The following RSPO2 variants were observed in gnomAD, a reference collection of about 807,000 sequenced individuals.
The protein encoded by RSPO2 is R-spondin 2, also known as R-spondin-2.
RSPO2 carries 14 observed loss-of-function variants against 30.9 expected under a neutral mutation model. The observed-to-expected ratio is 0.45, with a 90% CI of 0.30 to 0.71. The LOEUF (loss-of-function observed/expected upper bound fraction) is 0.71. RSPO2 is among the 30% of genes least tolerant of loss of function. The pLI, the probability that RSPO2 is intolerant of heterozygous loss-of-function variation, is 0.08. For missense variants in RSPO2, 264 were observed against 301.9 expected, an observed-to-expected ratio of 0.87 and a Z score of 0.93; for synonymous variants, 107 against 96.4, an observed-to-expected ratio of 1.11 and a Z score of -0.64.
chr8:107,942,116 A>C (rs533110468), intron 5 of RSPO2, among the ~76,000 whole-genome samples: 2 of 152,286 alleles, frequency 1.3e-5, no homozygotes, highest in Admixed American at 1.3e-4. Context: ...AAGTGTTCAG[A>C]CAACAGCCCT....
At chr8:107,965,699 G>T (rs1020118777) in intron 3 of RSPO2, among the ~76,000 whole-genome samples, 11 of 152,052 alleles carry the variant, frequency 7.2e-5, no homozygotes, top group African/African-American at 1.9e-4. Flanking sequence ...AAACATGGTG[G>T]AGTTTTAATG....
intron 5 of RSPO2, among the ~76,000 whole-genome samples, chr8:107,943,548 G>T (rs148509676): frequency 6.6e-6 from 1 of 152,172 alleles, no homozygotes; most frequent in Non-Finnish European, 1.5e-5. Flanking sequence ...GAAATTTCAC[G>T]TAGCGGTTCT....
intron 2 of RSPO2, among the ~76,000 whole-genome samples, chr8:107,994,182 T>A (rs1429353303): frequency 6.6e-6 from 1 of 152,094 alleles, no homozygotes; most frequent in Non-Finnish European, 1.5e-5. Flanking sequence ...ATGTATACAT[T>A]TGCAAAACCC....
chr8:107,951,043 G>GTTGTTTT (rs1813224649), intron 5 of RSPO2, among the ~76,000 whole-genome samples: 2 of 85,862 alleles, frequency 2.3e-5, no homozygotes, highest in Admixed American at 1.3e-4. Flanking sequence ...GGGAGAATAA[G>GTTGTTTT]TTTTTTTTTG....
intron 3 of RSPO2, among the ~76,000 whole-genome samples, chr8:107,964,594 G>A (rs1813736946): frequency 6.6e-6 from 1 of 152,102 alleles, no homozygotes; most frequent in Non-Finnish European, 1.5e-5. Flanking sequence ...TCTCCTACTT[G>A]ATGTGCTTCA....
At chr8:107,988,477 A>G (rs1281908458) in intron 3 of RSPO2, among the ~76,000 whole-genome samples, 3 of 152,010 alleles carry the variant, frequency 2.0e-5, no homozygotes, top group Non-Finnish European at 4.4e-5. Flanking sequence ...AAAATCTGTC[A>G]AACAAGATTG....
chr8:108,059,017 G>A (rs1293960063), intron 2 of RSPO2, among the ~76,000 whole-genome samples: 1 of 151,768 alleles, frequency 6.6e-6, no homozygotes, highest in Admixed American at 6.6e-5. Flanking sequence ...TTAAACTCAA[G>A]AGCTTCTGCA....
intron 2 of RSPO2, chr8:107,997,228 C>T (rs1387680930): frequency 5.7e-6 from 1 of 176,170 alleles, no homozygotes; most frequent in Non-Finnish European, 1.2e-5. Flanking sequence ...CTACACCAAC[C>T]TCTGTGTCTA....
intron 5 of RSPO2, among the ~76,000 whole-genome samples, chr8:107,915,798 G>GA (rs1330735306): frequency 4.6e-5 from 7 of 152,124 alleles, no homozygotes; most frequent in Non-Finnish European, 8.8e-5. Flanking sequence ...TTGCTAGGAT[G>GA]AAAAATGTTA....
intron 3 of RSPO2, chr8:107,983,097 C>T (rs925264465): frequency 3.7e-5 from 51 of 1,385,582 alleles, no homozygotes; most frequent in Non-Finnish European, 4.6e-5. Flanking sequence ...TTCCTAAGGC[C>T]GCCGCTTACC....
Position 107,900,149 on chromosome 8 carries a change from CAT to C in RSPO2, c.*924_*925del, listed in dbSNP as rs1486643758. On this transcript the variant is annotated 3_prime_UTR_variant, in exon 6 of 6. Coordinates refer to ENST00000276659, the MANE Select transcript of RSPO2 (RefSeq NM_178565.5). ...CAGTTGTGTTTCATCAAAGTCATCA[CAT>C]CTTAGACTCAAAGGCAGTTTGGGCT... 2 of 152,162 alleles carry C rather than the reference CAT, an allele frequency of 1.3e-5. No individual in the cohort carries two copies. Among genetic ancestry groups the C allele is most frequent in the Admixed American group, 1.3e-4 (2 of 15,280 alleles). 9.4% of individuals were successfully genotyped at this position (152,162 alleles called of 1,614,324 possible).
chr8:108,000,535 T>G (rs375070655), intron 2 of RSPO2, among the ~76,000 whole-genome samples: 152 of 134,498 alleles, frequency 1.1e-3, no homozygotes, highest in Non-Finnish European at 1.7e-3. Flanking sequence ...GAGTTTTGTG[T>G]TTTTTTTTTG....
chr8:107,908,240 C>T (rs985388297), intron 5 of RSPO2, among the ~76,000 whole-genome samples: 20 of 152,058 alleles, frequency 1.3e-4, no homozygotes, highest in African/African-American at 4.8e-4. Context: ...TTTCAGCTTT[C>T]TTGAAGCAAT....
chr8:107,943,030 C>T (rs1812948995), intron 5 of RSPO2, among the ~76,000 whole-genome samples: 1 of 152,076 alleles, frequency 6.6e-6, no homozygotes, highest in Non-Finnish European at 1.5e-5. Context: ...AAATTCAGTC[C>T]CAGTTAGCTG....
intron 2 of RSPO2, among the ~76,000 whole-genome samples, chr8:108,000,404 T>C (rs1274681363): frequency 1.3e-5 from 2 of 152,150 alleles, no homozygotes; most frequent in Non-Finnish European, 2.9e-5. Flanking sequence ...GGCTTGTGCA[T>C]CTGGTGGGGG....
intron 5 of RSPO2, among the ~76,000 whole-genome samples, chr8:107,948,916 T>A (rs962693845): frequency 8.0e-5 from 12 of 150,422 alleles, no homozygotes; most frequent in South Asian, 4.2e-4. Flanking sequence ...ACATATTTAT[T>A]GACAAGTTTG....
At chr8:108,004,726 A>G (rs1026191371) in intron 2 of RSPO2, among the ~76,000 whole-genome samples, 2 of 152,180 alleles carry the variant, frequency 1.3e-5, no homozygotes, top group African/African-American at 4.8e-5. Context: ...TACATATGTA[A>G]TATATGTGTG....
intron 2 of RSPO2, among the ~76,000 whole-genome samples, chr8:108,027,815 C>T (rs1256973300): frequency 2.2e-4 from 34 of 152,116 alleles, no homozygotes; most frequent in Admixed American, 2.2e-3. Flanking sequence ...AAACAGTCCC[C>T]GAGCTTCTTT....
At chr8:107,920,623 A>G (rs982036533) in intron 5 of RSPO2, among the ~76,000 whole-genome samples, 3 of 152,114 alleles carry the variant, frequency 2.0e-5, no homozygotes, top group African/African-American at 7.2e-5. Flanking sequence ...GAGTACATTG[A>G]TTGATTGAAA....
Sources: allele counts gnomAD v4.1 joint callset (sites outside exome capture counted in the v4.1 genomes callset), GRCh38; gene constraint gnomAD v4.1.1; transcripts MANE v1.5; gene names NCBI Gene and HGNC (gene_info 2026-07-23, HGNC 2026-07-21).